Variants in MAN1A2 observed in about 807,000 individuals in gnomAD.
The protein encoded by MAN1A2 is mannosyl-oligosaccharide 1,2-alpha-mannosidase IB.
MAN1A2 carries 26 observed loss-of-function variants against 75.7 expected under a neutral mutation model. The ratio of observed to expected loss-of-function variants is 0.34; its 90% confidence interval spans 0.25 to 0.48. The LOEUF (loss-of-function observed/expected upper bound fraction) is 0.48, where lower values mean the gene tolerates loss of function less well. Among genes scored for constraint, MAN1A2 ranks in the 20% least tolerant of loss-of-function variants. MAN1A2 has a pLI of 0.99. For missense variants in MAN1A2, 562 were observed against 775.5 expected, an observed-to-expected ratio of 0.72 and a Z score of 3.27; for synonymous variants, 247 against 264.6, an observed-to-expected ratio of 0.93 and a Z score of 0.65.
At chr1:117,456,847 C>T (rs921279217) in intron 6 of MAN1A2, among the ~76,000 whole-genome samples, 4 of 151,928 alleles carry the variant, frequency 2.6e-5, no homozygotes, top group Non-Finnish European at 5.9e-5. Flanking sequence ...CAATTTCATT[C>T]CATTGAAGTA....
At chr1:117,372,193 A>G (rs1163262173) in intron 1 of MAN1A2, among the ~76,000 whole-genome samples, 1 of 152,072 alleles carries the variant, frequency 6.6e-6, no homozygotes, top group Non-Finnish European at 1.5e-5. Context: ...CAGGAGGATA[A>G]CAAGTTAAGA....
intron 1 of MAN1A2, among the ~76,000 whole-genome samples, chr1:117,381,182 G>A (rs968867877): frequency 2.6e-5 from 4 of 151,682 alleles, no homozygotes; most frequent in African/African-American, 4.8e-5. Context: ...GTGTAGAAGC[G>A]CAACTAATTT....
intron 1 of MAN1A2, among the ~76,000 whole-genome samples, chr1:117,392,570 T>C (rs932107164): frequency 2.6e-5 from 4 of 152,218 alleles, no homozygotes; most frequent in African/African-American, 7.2e-5. Context: ...ATGTGCCTTA[T>C]TTTTCTCTGT....
chr1:117,485,047 G>C (rs936329168), intron 8 of MAN1A2, among the ~76,000 whole-genome samples: 3 of 151,914 alleles, frequency 2.0e-5, no homozygotes, highest in Non-Finnish European at 4.4e-5. Context: ...ATTTTTCAAA[G>C]GTTTTTCTGT....
intron 7 of MAN1A2, 74 bp downstream of exon 7, chr1:117,460,686 G>T: frequency 6.8e-7 from 1 of 1,467,696 alleles, no homozygotes; most frequent in Non-Finnish European, 9.0e-7. Context: ...TTTGATTAAT[G>T]CTTAAAAGGT....
chr1:117,371,488 G>A (rs1449476236), intron 1 of MAN1A2, among the ~76,000 whole-genome samples: 4 of 152,188 alleles, frequency 2.6e-5, no homozygotes, highest in Admixed American at 6.5e-5. Context: ...TGGGAATAAG[G>A]AAGACTTCAT....
At chr1:117,479,315 A>G (rs1650419230) in intron 8 of MAN1A2, among the ~76,000 whole-genome samples, 1 of 151,944 alleles carries the variant, frequency 6.6e-6, no homozygotes, top group Admixed American at 6.6e-5. Context: ...CATGATGTGT[A>G]TGTACCACAT....
chr1:117,456,742 C>T (rs7537915), intron 6 of MAN1A2, among the ~76,000 whole-genome samples: 73,637 of 151,740 alleles, frequency 0.49, 18,019 homozygotes, highest in South Asian at 0.58. Context: ...ATTCAGAATA[C>T]CTTCCACAAA....
At chr1:117,430,965 C>T (rs1279341245) in intron 5 of MAN1A2, among the ~76,000 whole-genome samples, 9 of 136,608 alleles carry the variant, frequency 6.6e-5, no homozygotes, top group African/African-American at 1.4e-4. Context: ...CCCGGCACCT[C>T]GGGAGGCTGA....
intron 12 of MAN1A2, among the ~76,000 whole-genome samples, chr1:117,519,254 A>T (rs1230636601): frequency 6.6e-6 from 1 of 152,112 alleles, no homozygotes; most frequent in African/African-American, 2.4e-5. Context: ...ACTAACTGAC[A>T]TTCTAAGATC....
In MAN1A2 at chr1:117,495,413, G is replaced by A. The variant is rs541950484; in HGVS notation, c.1285-1350G>A. Among the ~76,000 whole-genome samples the A allele has an allele frequency of 6.6e-5, 10 of 151,808 alleles. No homozygotes were observed. In the South Asian group the frequency reaches 2.1e-3, roughly 32 times the overall value. On this transcript the variant is annotated intron_variant, in intron 9 of 12. Coordinates refer to ENST00000356554, the MANE Select transcript of MAN1A2 (RefSeq NM_006699.5). ...ACATATGGAATGTATGAAAGAGATAGGAATGACCACTTAAGACTCATTGTA... is the reference window on the plus strand; with the variant it reads ...ACATATGGAATGTATGAAAGAGATAAGAATGACCACTTAAGACTCATTGTA...
At position 117,526,270 on chromosome 1, in the gene MAN1A2, A is replaced by G. The variant is rs575138997; in HGVS notation, c.*3313A>G. The G allele has an allele frequency of 7.9e-5, 12 of 152,000 alleles. No individual in the cohort carries two copies. Among genetic ancestry groups the G allele is most frequent in the African/African-American group, 2.9e-4 (12 of 41,538 alleles). 9.4% of individuals were successfully genotyped at this position (152,000 alleles called of 1,614,324 possible). On this transcript the variant is annotated 3_prime_UTR_variant, in exon 13 of 13. Transcript: ENST00000356554. ...CCAAGCATTGTGCCTGGCACTTTCA[A>G]TCATTAGAATGTTTTATGTGATTCC...
intron 1 of MAN1A2, among the ~76,000 whole-genome samples, chr1:117,392,904 G>A (rs796714495): frequency 6.6e-6 from 1 of 152,222 alleles, no homozygotes; most frequent in South Asian, 2.1e-4. Flanking sequence ...TTGAGGTTCT[G>A]TGGATTTCTC....
chr1:117,454,296 C>T (rs1046611668), intron 6 of MAN1A2, among the ~76,000 whole-genome samples: 2 of 152,116 alleles, frequency 1.3e-5, no homozygotes, highest in African/African-American at 2.4e-5. Context: ...CAGATTCCAA[C>T]ATTTGATGGA....
Position 117,514,329 on chromosome 1 carries a change from C to T in MAN1A2, c.1794-8496C>T, listed in dbSNP as rs1321243965. Among the ~76,000 whole-genome samples the T allele has an allele frequency of 2.7e-5, 4 of 149,500 alleles. No individual in the cohort carries two copies. The South Asian group carries it at 6.3e-4, about 24-fold the overall frequency. On this transcript the variant is annotated intron_variant, in intron 12 of 12. Coordinates refer to ENST00000356554, the MANE Select transcript of MAN1A2 (RefSeq NM_006699.5). ...AGTGAACCAAGATCATGCCACTGCA[C>T]TCCAGCTGGGGGACACAGCAAGACT... is the stretch of plus-strand genomic sequence containing the variant.
At chr1:117,477,517 A>G (rs1650358537) in intron 8 of MAN1A2, among the ~76,000 whole-genome samples, 1 of 152,010 alleles carries the variant, frequency 6.6e-6, no homozygotes, top group Non-Finnish European at 1.5e-5. Flanking sequence ...CATCACATAA[A>G]CAGAACCAAG....
At chr1:117,515,085 G>T in intron 12 of MAN1A2, 1 of 267,942 alleles carries the variant, frequency 3.7e-6, no homozygotes, top group Non-Finnish European at 7.6e-6. Flanking sequence ...TTTAGGCATG[G>T]ACAAATTTAA....
At chr1:117,371,181 ACTTTC>A (rs1652953937) in intron 1 of MAN1A2, among the ~76,000 whole-genome samples, 1 of 152,204 alleles carries the variant, frequency 6.6e-6, no homozygotes, top group African/African-American at 2.4e-5. Flanking sequence ...TTCGGAATCT[ACTTTC>A]CTTTAAATAC....
intron 8 of MAN1A2, 113 bp downstream of exon 8, chr1:117,466,540 C>G: frequency 1.6e-6 from 1 of 608,062 alleles, no homozygotes; most frequent in East Asian, 3.1e-5. Context: ...AGTGTCTAAC[C>G]TTGTGGTCTG....
Sources: gnomAD v4.1 joint callset for allele counts (sites outside exome capture counted in the v4.1 genomes callset) on GRCh38, gnomAD v4.1.1 for gene constraint, MANE v1.5 for transcripts, NCBI Gene and HGNC (gene_info 2026-07-23, HGNC 2026-07-21) for gene names.